RGL1: variants seen among roughly 807,000 people sequenced by gnomAD.
RGL1 encodes the protein ral guanine nucleotide dissociation stimulator-like 1.
Under a neutral mutation model 95.2 loss-of-function variants are expected in RGL1, and 24 were observed. The ratio of observed to expected loss-of-function variants is 0.25; its 90% CI spans 0.18 to 0.35. The LOEUF (loss-of-function observed/expected upper bound fraction) is 0.35, where lower values mean the gene tolerates loss of function less well. Among genes scored for constraint, RGL1 ranks in the 10% least tolerant of loss-of-function variants. The probability of loss-of-function intolerance (pLI) is 1.00; values close to 1 mark genes in which losing one functional copy is unlikely to be tolerated. For synonymous variants in RGL1, 329 were observed against 344.9 expected, an observed-to-expected ratio of 0.95 and a Z score of 0.51; for missense variants, 715 against 936.3, an observed-to-expected ratio of 0.76 and a Z score of 3.08.
At chr1:183,899,255 C>T (rs910314011) in intron 10 of RGL1, among the ~76,000 whole-genome samples, 8 of 152,178 alleles carry the variant, frequency 5.3e-5, no homozygotes, top group Non-Finnish European at 1.0e-4. Flanking sequence ...AAAATCTAGA[C>T]TTTGTTTGGA....
intron 3 of RGL1, among the ~76,000 whole-genome samples, chr1:183,863,395 C>T (rs952389579): frequency 1.3e-5 from 2 of 151,830 alleles, no homozygotes; most frequent in African/African-American, 4.8e-5. Context: ...GCTTGAACTC[C>T]TGGGCTCAGG....
chr1:183,767,976 T>G (rs1659070404), intron 2 of RGL1, among the ~76,000 whole-genome samples: 1 of 152,062 alleles, frequency 6.6e-6, no homozygotes, highest in Non-Finnish European at 1.5e-5. Flanking sequence ...ATTGCCCAAC[T>G]GCCATGTATT....
At chr1:183,690,900 C>T (rs1051541571) in intron 1 of RGL1, among the ~76,000 whole-genome samples, 1 of 152,114 alleles carries the variant, frequency 6.6e-6, no homozygotes, top group Non-Finnish European at 1.5e-5. Context: ...GAAAGCAAGT[C>T]ATGTTAAGAT....
At chr1:183,642,671 A>C (rs530703786) in intron 1 of RGL1, among the ~76,000 whole-genome samples, 40 of 152,298 alleles carry the variant, frequency 2.6e-4, no homozygotes, top group Non-Finnish European at 5.7e-4. Context: ...TTATCTCTGT[A>C]TTTTGAGACT....
At chr1:183,905,981 A>G (rs578133533) in intron 13 of RGL1, among the ~76,000 whole-genome samples, 1 of 152,328 alleles carries the variant, frequency 6.6e-6, no homozygotes, top group East Asian at 1.9e-4. Context: ...CAGAGACCAT[A>G]TGGCCCACAA....
chr1:183,906,005 A>C (rs564400445), intron 13 of RGL1, among the ~76,000 whole-genome samples: 1 of 152,090 alleles, frequency 6.6e-6, no homozygotes, highest in Non-Finnish European at 1.5e-5. Flanking sequence ...CTAAAATACT[A>C]TGTGATCCTT....
At chr1:183,719,439 G>A (rs769401650) in intron 1 of RGL1, among the ~76,000 whole-genome samples, 1 of 151,842 alleles carries the variant, frequency 6.6e-6, no homozygotes, top group Non-Finnish European at 1.5e-5. Context: ...AAGAGTACTT[G>A]GTTTCTCCCT....
intron 2 of RGL1, among the ~76,000 whole-genome samples, chr1:183,822,534 C>T (rs1046322790): frequency 3.3e-5 from 5 of 152,094 alleles, no homozygotes; most frequent in Non-Finnish European, 5.9e-5. Flanking sequence ...TTGAGTATTT[C>T]CAGTCCTGTT....
chr1:183,860,713 C>A (rs1473115192), intron 3 of RGL1, among the ~76,000 whole-genome samples: 1 of 152,194 alleles, frequency 6.6e-6, no homozygotes, highest in Non-Finnish European at 1.5e-5. Context: ...CTCTCCATTG[C>A]ACTTTTCACT....
At chr1:183,756,698 A>G (rs1658358786) in intron 2 of RGL1, among the ~76,000 whole-genome samples, 1 of 152,136 alleles carries the variant, frequency 6.6e-6, no homozygotes, top group Non-Finnish European at 1.5e-5. Context: ...TTTTCATGAT[A>G]GTAATTCTTC....
chr1:183,750,363 C>T (rs907376494), intron 2 of RGL1, among the ~76,000 whole-genome samples: 4 of 152,234 alleles, frequency 2.6e-5, no homozygotes, highest in African/African-American at 9.6e-5. Context: ...GCTATTGATA[C>T]TTGTGTATGC....
At chr1:183,925,698 A>G (rs1387099832) in intron 17 of RGL1, among the ~76,000 whole-genome samples, 1 of 152,176 alleles carries the variant, frequency 6.6e-6, no homozygotes, top group Non-Finnish European at 1.5e-5. Context: ...TTAGTCTTTG[A>G]GAAAATCTGC....
chr1:183,692,316 A>G (rs1008653439), intron 1 of RGL1, among the ~76,000 whole-genome samples: 4 of 152,218 alleles, frequency 2.6e-5, no homozygotes, highest in African/African-American at 4.8e-5. Context: ...AATTACTTGG[A>G]GGATCCAGAA....
intron 17 of RGL1, among the ~76,000 whole-genome samples, chr1:183,925,527 C>T (rs1669564683): frequency 6.8e-6 from 1 of 146,708 alleles, no homozygotes; most frequent in Non-Finnish European, 1.5e-5. Context: ...CACATGTATC[C>T]CAAAACTTAA....
chr1:183,919,030 T>C (rs556603399), intron 16 of RGL1, among the ~76,000 whole-genome samples: 14 of 152,328 alleles, frequency 9.2e-5, no homozygotes, highest in Admixed American at 2.0e-4. Context: ...TGAAACAGCA[T>C]TGAATATTCC....
At chr1:183,709,858 A>G (rs1277649032) in intron 1 of RGL1, 1 of 157,890 alleles carries the variant, frequency 6.3e-6, no homozygotes, top group Non-Finnish European at 1.4e-5. Context: ...ATTGGGCTGG[A>G]TGGGCACACA....
intron 8 of RGL1, among the ~76,000 whole-genome samples, chr1:183,888,855 T>C (rs959667425): frequency 2.0e-5 from 3 of 151,892 alleles, no homozygotes; most frequent in Non-Finnish European, 4.4e-5. Context: ...AGGGATAAGG[T>C]TGTGGAGTGA....
At chr1:183,672,469 A>G (rs1047163057) in intron 1 of RGL1, among the ~76,000 whole-genome samples, 2 of 152,116 alleles carry the variant, frequency 1.3e-5, no homozygotes, top group Non-Finnish European at 2.9e-5. Flanking sequence ...CATTTATTCT[A>G]TGTGATTCTT....
At chr1:183,736,203 A>G (rs1656928469) in intron 1 of RGL1, among the ~76,000 whole-genome samples, 1 of 152,226 alleles carries the variant, frequency 6.6e-6, no homozygotes, top group African/African-American at 2.4e-5. Flanking sequence ...ATATGGGAAT[A>G]AGTACAATAC....
Sources: allele counts gnomAD v4.1 joint callset (sites outside exome capture counted in the v4.1 genomes callset), GRCh38; gene constraint gnomAD v4.1.1; transcripts MANE v1.5; gene names NCBI Gene and HGNC (gene_info 2026-07-23, HGNC 2026-07-21).